The following ZDHHC17 variants were observed in gnomAD, a reference collection of about 807,000 sequenced individuals.
The protein encoded by ZDHHC17 is palmitoyltransferase ZDHHC17.
Under a neutral mutation model 90.3 loss-of-function variants are expected in ZDHHC17, and 40 were observed. The observed-to-expected ratio is 0.44, with a 90% CI of 0.34 to 0.58. The LOEUF is 0.58. Among genes scored for constraint, ZDHHC17 ranks in the 20% least tolerant of loss-of-function variants. The pLI is 0.01. For missense variants in ZDHHC17, 614 were observed against 780.8 expected, an observed-to-expected ratio of 0.79 and a Z score of 2.55; for synonymous variants, 235 against 252.4, an observed-to-expected ratio of 0.93 and a Z score of 0.65.
At chr12:76,766,602 T>A (rs1269597532) in intron 1 of ZDHHC17, among the ~76,000 whole-genome samples, 2 of 152,220 alleles carry the variant, frequency 1.3e-5, no homozygotes, top group African/African-American at 2.4e-5. Flanking sequence ...ACTTTTAACC[T>A]CTTTTTGGAG....
At chr12:76,777,158 T>G (rs1952568785) in intron 1 of ZDHHC17, among the ~76,000 whole-genome samples, 1 of 152,212 alleles carries the variant, frequency 6.6e-6, no homozygotes, top group Non-Finnish European at 1.5e-5. Flanking sequence ...TTCTTCATAT[T>G]GCCCTTTTAT....
intron 10 of ZDHHC17, among the ~76,000 whole-genome samples, chr12:76,833,302 CTG>C (rs1455404308): frequency 6.6e-6 from 1 of 152,136 alleles, no homozygotes; most frequent in Non-Finnish European, 1.5e-5. Context: ...GATGGAAAGA[CTG>C]AGGCTCTGAG....
chr12:76,830,284 A>G, intron 10 of ZDHHC17, among the ~76,000 whole-genome samples: 1 of 152,206 alleles, frequency 6.6e-6, no homozygotes, highest in East Asian at 1.9e-4. Context: ...GCATATCATA[A>G]TATTGTATTC....
chr12:76,787,698 A>G (rs1360170700), intron 1 of ZDHHC17, among the ~76,000 whole-genome samples: 1 of 152,016 alleles, frequency 6.6e-6, no homozygotes, highest in Non-Finnish European at 1.5e-5. Context: ...ACAGTATTCA[A>G]AGGTATCTAA....
At chr12:76,810,535 CAT>C (rs1318264181) in intron 5 of ZDHHC17, among the ~76,000 whole-genome samples, 4 of 152,264 alleles carry the variant, frequency 2.6e-5, no homozygotes, top group African/African-American at 9.6e-5. Context: ...TTGCTATCAA[CAT>C]GTATTTATTG....
Position 76,848,575 on chromosome 12 carries a change from A to G in ZDHHC17, c.1665+185A>G, listed in dbSNP as rs79662032. ...CTCTTCTCATATTGTGAACTTTTGAATTTTAGTACTTATCTCAACAGAAAT... is the reference window on the plus strand; with the variant it reads ...CTCTTCTCATATTGTGAACTTTTGAGTTTTAGTACTTATCTCAACAGAAAT... On this transcript the variant is annotated intron_variant, in intron 15 of 16. Coordinates refer to ENST00000426126, the MANE Select transcript of ZDHHC17 (RefSeq NM_015336.4). Among the ~76,000 whole-genome samples, 492 of 152,060 alleles carry G rather than the reference A, an allele frequency of 3.2e-3. 1 individual carries two copies. The highest frequency in any genetic ancestry group is 0.011 in the African/African-American group (469 of 41,468).
intron 5 of ZDHHC17, among the ~76,000 whole-genome samples, chr12:76,811,800 A>G (rs1953025925): frequency 6.6e-6 from 1 of 152,158 alleles, no homozygotes; most frequent in Non-Finnish European, 1.5e-5. Context: ...TTCCATGTAC[A>G]GATTAAGCAT....
chr12:76,812,403 C>G (rs1370528751), intron 5 of ZDHHC17, among the ~76,000 whole-genome samples: 1 of 151,972 alleles, frequency 6.6e-6, no homozygotes, highest in Non-Finnish European at 1.5e-5. Flanking sequence ...TATATTCTTT[C>G]CTCAGATAGT....
Position 76,764,132 on chromosome 12 carries a change from A to C in ZDHHC17, c.-105A>C, listed in dbSNP as rs1952394763. On this transcript the variant is annotated 5_prime_UTR_variant, in exon 1 of 17. Coordinates refer to ENST00000426126, the MANE Select transcript of ZDHHC17 (RefSeq NM_015336.4). ...GAGGGGGCGTCACGGGGGCAGGAGA[A>C]GAAGGAGGAGGAGGCCCGCGTCGCC... 1.2e-6 allele frequency: 1 copy of C among 853,600 alleles called. No homozygotes were observed. The highest frequency in any genetic ancestry group is 1.8e-6 in the Non-Finnish European group (1 of 560,692). The allele number at this position is 853,600 out of a possible 1,614,324, so 52.9% of individuals were successfully genotyped here. A position where few individuals can be genotyped will look rare whatever the true frequency, so the allele number is the denominator to read the frequency against.
chr12:76,810,563 A>G (rs568055426), intron 5 of ZDHHC17, among the ~76,000 whole-genome samples: 5 of 152,306 alleles, frequency 3.3e-5, no homozygotes, highest in South Asian at 4.1e-4. Flanking sequence ...TTAAAATTCT[A>G]TGCGGATTTA....
intron 14 of ZDHHC17, 69 bp downstream of exon 14, chr12:76,846,748 A>G: frequency 6.2e-6 from 8 of 1,286,998 alleles, no homozygotes; most frequent in Non-Finnish European, 8.7e-6. Flanking sequence ...TTACCACACT[A>G]ACAAATTACT....
chr12:76,805,578 T>TTTTTCA, intron 3 of ZDHHC17, 139 bp downstream of exon 3: 1 of 808,312 alleles, frequency 1.2e-6, no homozygotes, highest in Non-Finnish European at 1.9e-6. Context: ...CTTGTTTTTC[T>TTTTTCA]GAAAAAGAAA....
rs190567415 is a variant in ZDHHC17, at chr12:76,850,461, G to A, written c.1761-386G>A. Among the ~76,000 whole-genome samples the A allele has an allele frequency of 6.1e-3, 934 of 152,240 alleles. 3 individuals carry two copies. The highest frequency in any genetic ancestry group is 0.017 in the South Asian group (83 of 4,828). On this transcript the variant is annotated intron_variant, in intron 16 of 16. Transcript: ENST00000426126. ...GAGCCAGGCATGTTGGTGCATGTCTGTAGTCCTAGCTACTTGGGAGGCTGA... is the reference window on the plus strand; with the variant it reads ...GAGCCAGGCATGTTGGTGCATGTCTATAGTCCTAGCTACTTGGGAGGCTGA...
At chr12:76,777,885 C>T (rs1159596643) in intron 1 of ZDHHC17, among the ~76,000 whole-genome samples, 1 of 152,046 alleles carries the variant, frequency 6.6e-6, no homozygotes, top group Non-Finnish European at 1.5e-5. Context: ...ACGAGATTTA[C>T]TGGTAGAGCC....
intron 2 of ZDHHC17, 48 bp from the exon 3 acceptor site, chr12:76,805,269 A>T (rs1341884056): frequency 1.4e-6 from 2 of 1,466,822 alleles, no homozygotes; most frequent in Non-Finnish European, 1.9e-6. Flanking sequence ...TTTTAACTTT[A>T]CATTTCTTGT....
At chr12:76,772,639 GTTC>G (rs1259862595) in intron 1 of ZDHHC17, among the ~76,000 whole-genome samples, 2 of 146,862 alleles carry the variant, frequency 1.4e-5, no homozygotes, top group Non-Finnish European at 3.0e-5. Flanking sequence ...GGTTCAAGCA[GTTC>G]TTCTGCCTCA....
Position 76,816,437 on chromosome 12 carries a change from G to A in ZDHHC17, c.771+418G>A, listed in dbSNP as rs951010577. 7.2e-5 allele frequency among the ~76,000 whole-genome samples: 11 copies of A among 152,090 alleles called. No homozygotes were observed. The East Asian group carries it at 2.1e-3, about 29-fold the overall frequency. On this transcript the variant is annotated intron_variant, in intron 7 of 16. Transcript: ENST00000426126. ...TTGGTTATTTCTTTTCATTTTTAAA[G>A]CCTCAGGATCCACCATGTCTTTCAG...
At chr12:76,825,725 AG>A (rs113230418) in intron 8 of ZDHHC17, among the ~76,000 whole-genome samples, 7 of 152,266 alleles carry the variant, frequency 4.6e-5, no homozygotes, top group African/African-American at 1.7e-4. Context: ...ATAGTATGAA[AG>A]GGGTGCTAAA....
intron 1 of ZDHHC17, chr12:76,764,960 TA>T (rs1209715454): frequency 2.4e-6 from 1 of 425,090 alleles, no homozygotes; most frequent in Non-Finnish European, 4.7e-6. Context: ...TTCTAGGAGC[TA>T]GGGGTGGACA....
Sources: allele counts gnomAD v4.1 joint callset (sites outside exome capture counted in the v4.1 genomes callset), GRCh38; gene constraint gnomAD v4.1.1; transcripts MANE v1.5; gene names NCBI Gene and HGNC (gene_info 2026-07-23, HGNC 2026-07-21).